The following MDGA2 variants were observed in gnomAD, a reference collection of about 807,000 sequenced individuals.
MDGA2 encodes the protein MAM domain containing glycosylphosphatidylinositol anchor 2, also known as MAM domain-containing glycosylphosphatidylinositol anchor protein 2.
In MDGA2, 40 loss-of-function variants were observed where a neutral mutation model predicts 117.8. The ratio of observed to expected loss-of-function variants is 0.34; its 90% CI spans 0.26 to 0.44. MDGA2 has a LOEUF of 0.44. Among genes scored for constraint, MDGA2 ranks in the 20% least tolerant of loss-of-function variants. MDGA2 has a pLI of 1.00. For synonymous variants in MDGA2, 452 were observed against 439.0 expected, an observed-to-expected ratio of 1.03 and a Z score of -0.37; for missense variants, 1,123 against 1,250.6, an observed-to-expected ratio of 0.90 and a Z score of 1.54.
chr14:46,995,545 A>G (rs1462842014), intron 8 of MDGA2, among the ~76,000 whole-genome samples: 1 of 152,136 alleles, frequency 6.6e-6, no homozygotes, highest in Non-Finnish European at 1.5e-5. Context: ...AAACTATTTC[A>G]TAACCATTGC....
intron 11 of MDGA2, among the ~76,000 whole-genome samples, chr14:46,881,566 G>A (rs1480392117): frequency 2.0e-5 from 3 of 152,056 alleles, no homozygotes; most frequent in Admixed American, 6.6e-5. Flanking sequence ...AATGTAAGAC[G>A]TTAATAATGG....
chr14:47,497,049 C>A (rs541451302), intron 1 of MDGA2, among the ~76,000 whole-genome samples: 5 of 152,056 alleles, frequency 3.3e-5, no homozygotes, highest in Admixed American at 2.6e-4. Flanking sequence ...TGCTCACTCA[C>A]ACGCTGCTCA....
intron 6 of MDGA2, among the ~76,000 whole-genome samples, chr14:47,077,644 A>G (rs976467991): frequency 2.3e-4 from 34 of 149,578 alleles, no homozygotes; most frequent in African/African-American, 8.3e-4. Flanking sequence ...GCATCTGCAG[A>G]AAAAAAAAAG....
intron 1 of MDGA2, among the ~76,000 whole-genome samples, chr14:47,513,430 T>C (rs1434662017): frequency 6.6e-6 from 1 of 152,062 alleles, no homozygotes; most frequent in African/African-American, 2.4e-5. Context: ...TGTTGAATCA[T>C]TTAATTCTTT....
intron 4 of MDGA2, among the ~76,000 whole-genome samples, chr14:47,142,831 G>C (rs1882781541): frequency 6.6e-6 from 1 of 152,122 alleles, no homozygotes; most frequent in Non-Finnish European, 1.5e-5. Context: ...ATGTTATGGT[G>C]AACTGACTAG....
At chr14:46,894,287 T>C (rs1387267706) in intron 10 of MDGA2, among the ~76,000 whole-genome samples, 1 of 152,136 alleles carries the variant, frequency 6.6e-6, no homozygotes, top group Non-Finnish European at 1.5e-5. Flanking sequence ...TACCCAATAT[T>C]GTCCAATTTC....
chr14:46,925,319 T>C (rs576211843), intron 9 of MDGA2, among the ~76,000 whole-genome samples: 195 of 151,952 alleles, frequency 1.3e-3, no homozygotes, highest in Non-Finnish European at 2.2e-3. Flanking sequence ...AAGATTAGAC[T>C]TAAGATAATA....
intron 1 of MDGA2, among the ~76,000 whole-genome samples, chr14:47,475,376 G>A (rs574359342): frequency 3.9e-5 from 6 of 152,224 alleles, no homozygotes; most frequent in African/African-American, 1.4e-4. Flanking sequence ...CACTGTTGGT[G>A]GGAATATAAA....
At chr14:46,987,489 G>T (rs757477849) in intron 8 of MDGA2, among the ~76,000 whole-genome samples, 1 of 152,010 alleles carries the variant, frequency 6.6e-6, no homozygotes, top group Non-Finnish European at 1.5e-5. Context: ...TTATGCAGAG[G>T]GCAGAAGGCC....
chr14:47,631,930 GTT>G (rs60646667), intron 1 of MDGA2, among the ~76,000 whole-genome samples: 3 of 145,084 alleles, frequency 2.1e-5, no homozygotes, highest in Non-Finnish European at 3.0e-5. Flanking sequence ...ATTTTTTTAA[GTT>G]TTTTTTTTTT....
chr14:47,180,204 G>T (rs1236997384), intron 3 of MDGA2, among the ~76,000 whole-genome samples: 3 of 151,944 alleles, frequency 2.0e-5, no homozygotes, highest in Non-Finnish European at 2.9e-5. Context: ...CCTCTGTTAG[G>T]CCCCAATGTA....
chr14:46,935,834 T>C (rs753853798), intron 9 of MDGA2, among the ~76,000 whole-genome samples: 8 of 152,040 alleles, frequency 5.3e-5, no homozygotes, highest in Non-Finnish European at 8.8e-5. Flanking sequence ...AGTGTTTGGG[T>C]TGACATGGAG....
chr14:47,358,882 A>G (rs1314108716), intron 1 of MDGA2, among the ~76,000 whole-genome samples: 1 of 152,206 alleles, frequency 6.6e-6, no homozygotes, highest in Non-Finnish European at 1.5e-5. Flanking sequence ...AAATGTCCAT[A>G]CTATCTAAAG....
chr14:47,203,998 C>G (rs567804457), intron 3 of MDGA2, among the ~76,000 whole-genome samples: 9 of 151,860 alleles, frequency 5.9e-5, no homozygotes, highest in Admixed American at 1.3e-4. Context: ...TGAGTTGGCA[C>G]ATAATAATAT....
At chr14:46,919,831 G>A (rs548229961) in intron 10 of MDGA2, among the ~76,000 whole-genome samples, 181 bp downstream of exon 10, 6 of 152,150 alleles carry the variant, frequency 3.9e-5, no homozygotes, top group South Asian at 4.2e-4. Context: ...CAAGTAAGTC[G>A]GAACAGTTTA....
intron 1 of MDGA2, among the ~76,000 whole-genome samples, chr14:47,566,660 T>G (rs1419657974): frequency 2.0e-5 from 3 of 152,038 alleles, no homozygotes; most frequent in African/African-American, 4.8e-5. Context: ...ATGAGCAGGT[T>G]GCACCATGCC....
chr14:47,215,970 G>A (rs1013887542), intron 3 of MDGA2, among the ~76,000 whole-genome samples: 12 of 152,234 alleles, frequency 7.9e-5, no homozygotes, highest in East Asian at 1.9e-4. Context: ...GTCTTCAGGC[G>A]TGGTTGAATG....
chr14:47,324,663 G>C (rs1054746200), intron 1 of MDGA2, among the ~76,000 whole-genome samples: 2 of 151,870 alleles, frequency 1.3e-5, no homozygotes, highest in Non-Finnish European at 2.9e-5. Context: ...TTTTGACTAT[G>C]AACCTTTGTC....
At chr14:47,531,376 G>A (rs9323144) in intron 1 of MDGA2, among the ~76,000 whole-genome samples, 16,220 of 152,156 alleles carry the variant, frequency 0.11, 973 homozygotes, top group Middle Eastern at 0.15. Context: ...GATACAAGAC[G>A]CACAATCACA....
Sources: allele counts gnomAD v4.1 joint callset (sites outside exome capture counted in the v4.1 genomes callset), GRCh38; gene constraint gnomAD v4.1.1; transcripts MANE v1.5; gene names NCBI Gene and HGNC (gene_info 2026-07-23, HGNC 2026-07-21).